ZEB1: variants seen among roughly 807,000 people sequenced by gnomAD.
ZEB1 encodes the protein zinc finger E-box-binding homeobox 1.
Under a neutral mutation model 84.9 loss-of-function variants are expected in ZEB1, and 21 were observed. The observed-to-expected ratio is 0.25, with a 90% confidence interval of 0.18 to 0.36. ZEB1 has a LOEUF of 0.36. Ranked by LOEUF, ZEB1 falls within the 10% of genes least tolerant of loss-of-function variation. The pLI is 1.00. For synonymous variants in ZEB1, 420 were observed against 471.1 expected, an observed-to-expected ratio of 0.89 and a Z score of 1.41; for missense variants, 1,104 against 1,330.2, an observed-to-expected ratio of 0.83 and a Z score of 2.65.
At chr10:31,468,300 T>C (rs959492739) in intron 2 of ZEB1, among the ~76,000 whole-genome samples, 3 of 151,904 alleles carry the variant, frequency 2.0e-5, no homozygotes, top group African/African-American at 7.3e-5. Flanking sequence ...GTATTCCTTA[T>C]CAACAAAGGC....
intron 1 of ZEB1, among the ~76,000 whole-genome samples, chr10:31,451,546 A>G (rs1036449307): frequency 4.6e-5 from 7 of 152,240 alleles, no homozygotes; most frequent in African/African-American, 1.7e-4. Flanking sequence ...CCTTTTATAA[A>G]TGCAGACTTT....
At chr10:31,390,335 A>G (rs903730040) in intron 1 of ZEB1, among the ~76,000 whole-genome samples, 2 of 152,118 alleles carry the variant, frequency 1.3e-5, no homozygotes, top group African/African-American at 2.4e-5. Flanking sequence ...GATTTTAATA[A>G]TCCTCCAAAA....
chr10:31,421,641 C>T (rs2056177861), intron 1 of ZEB1, among the ~76,000 whole-genome samples: 1 of 152,062 alleles, frequency 6.6e-6, no homozygotes, highest in Admixed American at 6.5e-5. Context: ...GACATTGCCT[C>T]CCTGCTAAAG....
chr10:31,473,818 G>A (rs1413001059), intron 2 of ZEB1, among the ~76,000 whole-genome samples: 1 of 149,992 alleles, frequency 6.7e-6, no homozygotes, highest in Non-Finnish European at 1.5e-5. Flanking sequence ...TATACTACAA[G>A]GCTACAGTAA....
At chr10:31,416,891 T>C (rs929053059) in intron 1 of ZEB1, among the ~76,000 whole-genome samples, 1 of 152,142 alleles carries the variant, frequency 6.6e-6, no homozygotes, top group Non-Finnish European at 1.5e-5. Flanking sequence ...GTGCAAAAAC[T>C]TGGGCTGTTA....
At chr10:31,391,256 TGTGTGTGTGTGTGTGTGTGTGA>T (rs1299790404) in intron 1 of ZEB1, among the ~76,000 whole-genome samples, 247 of 147,490 alleles carry the variant, frequency 1.7e-3, no homozygotes, top group African/African-American at 5.9e-3. Flanking sequence ...TGTGTGTGTG[TGTGTGTGTGTGTGTGTGTGTGA>T]GATCCAATAA....
intron 1 of ZEB1, among the ~76,000 whole-genome samples, chr10:31,364,085 A>C (rs1206338870): frequency 4.6e-5 from 7 of 152,224 alleles, no homozygotes; most frequent in Admixed American, 1.3e-4. Flanking sequence ...ACTAAGGGTC[A>C]GAAGCGGAGA....
chr10:31,376,091 CAGAT>C (rs2046573120), intron 1 of ZEB1, among the ~76,000 whole-genome samples: 5 of 151,638 alleles, frequency 3.3e-5, no homozygotes, highest in South Asian at 2.1e-4. Flanking sequence ...ATAAATTTAA[CAGAT>C]AGAATAGCAA....
chr10:31,472,539 C>A lies in ZEB1; in HGVS notation c.259+11302C>A, dbSNP rs527479000. On this transcript the variant is annotated intron_variant, in intron 2 of 8. Transcript: ENST00000424869. ...GTTGAATCTCTGAATAGACCAATAA[C>A]AGGATCTGAAATTGTGGCAATAATC... 9.7e-3 allele frequency among the ~76,000 whole-genome samples: 1,446 copies of A among 148,400 alleles called. 21 individuals carry two copies. Among genetic ancestry groups the A allele is most frequent in the African/African-American group, 0.035 (1,378 of 39,402 alleles).
chr10:31,415,527 T>G (rs2055070358), intron 1 of ZEB1, among the ~76,000 whole-genome samples: 1 of 151,418 alleles, frequency 6.6e-6, no homozygotes, highest in African/African-American at 2.5e-5. Flanking sequence ...TTAAAAAAAT[T>G]ATAATTTAAA....
At chr10:31,460,034 A>T (rs117907378) in intron 1 of ZEB1, among the ~76,000 whole-genome samples, 3,927 of 152,128 alleles carry the variant, frequency 0.026, 74 homozygotes, top group Middle Eastern at 0.065. Flanking sequence ...CCTTCTTCCG[A>T]ATCTTTTCTT....
intron 1 of ZEB1, among the ~76,000 whole-genome samples, chr10:31,386,719 G>A (rs578110903): frequency 7.2e-5 from 11 of 152,096 alleles, no homozygotes; most frequent in African/African-American, 2.4e-4. Flanking sequence ...TTAGGAAATA[G>A]CATATGCCAT....
intron 1 of ZEB1, among the ~76,000 whole-genome samples, chr10:31,421,267 T>TA (rs1256133094): frequency 6.6e-6 from 1 of 152,100 alleles, no homozygotes; most frequent in Non-Finnish European, 1.5e-5. Flanking sequence ...ATTGTCCTTT[T>TA]ATGCCAGGGT....
At chr10:31,443,874 C>A (rs1401744915) in intron 1 of ZEB1, among the ~76,000 whole-genome samples, 1 of 151,274 alleles carries the variant, frequency 6.6e-6, no homozygotes, top group East Asian at 1.9e-4. Flanking sequence ...AATAAACATA[C>A]GTGTGCATGT....
At chr10:31,496,097 T>C (rs907380359) in intron 3 of ZEB1, among the ~76,000 whole-genome samples, 3 of 152,036 alleles carry the variant, frequency 2.0e-5, no homozygotes, top group African/African-American at 7.2e-5. Flanking sequence ...CTACAGATAA[T>C]CCAAAAAATA....
chr10:31,369,335 A>G (rs1483793175), intron 1 of ZEB1, among the ~76,000 whole-genome samples: 1 of 152,182 alleles, frequency 6.6e-6, no homozygotes, highest in African/African-American at 2.4e-5. Flanking sequence ...CTGAAACTTC[A>G]TACCCCTTGA....
At chr10:31,449,639 C>G (rs973853471) in intron 1 of ZEB1, among the ~76,000 whole-genome samples, 8 of 152,034 alleles carry the variant, frequency 5.3e-5, no homozygotes, top group East Asian at 1.9e-4. Flanking sequence ...GTATTATATT[C>G]AAGTCCATTG....
chr10:31,524,430 A>C (rs1373389180), intron 8 of ZEB1, among the ~76,000 whole-genome samples: 2 of 152,008 alleles, frequency 1.3e-5, no homozygotes, highest in African/African-American at 2.4e-5. Context: ...GCTGGTCTTG[A>C]ACTAATGAGC....
At chr10:31,429,139 T>C (rs941069462) in intron 1 of ZEB1, among the ~76,000 whole-genome samples, 1 of 152,212 alleles carries the variant, frequency 6.6e-6, no homozygotes, top group African/African-American at 2.4e-5. Flanking sequence ...GACTTGTTTA[T>C]GTGGTTGACT....
Sources: gnomAD v4.1 joint callset for allele counts (sites outside exome capture counted in the v4.1 genomes callset) on GRCh38, gnomAD v4.1.1 for gene constraint, MANE v1.5 for transcripts, NCBI Gene and HGNC (gene_info 2026-07-23, HGNC 2026-07-21) for gene names.